The following APOL1 variants were observed in gnomAD, a reference collection of about 807,000 sequenced individuals.
APOL1 encodes apolipoprotein L 1.
A neutral mutation model predicts 14.9 loss-of-function variants in APOL1; 17 were observed. That is an observed-to-expected ratio of 1.14 (90% confidence interval 0.78 to 1.71). APOL1 has a LOEUF of 1.71. Among genes scored for constraint, APOL1 ranks in the 40% most tolerant of loss-of-function variants. The pLI is 0.00. For synonymous variants in APOL1, 195 were observed against 184.8 expected, an observed-to-expected ratio of 1.05 and a Z score of -0.45; for missense variants, 523 against 485.9, an observed-to-expected ratio of 1.08 and a Z score of -0.72.
chr22:36,266,730 C>T lies in APOL1; in HGVS notation c.*697C>T. The T allele has an allele frequency of 3.0e-6, 1 of 337,316 alleles. No individual in the cohort carries two copies. Among genetic ancestry groups the T allele is most frequent in the Admixed American group, 4.8e-5 (1 of 20,740 alleles). The allele number at this position is 337,316 out of a possible 1,614,324, so 20.9% of individuals were successfully genotyped here. A position where few individuals can be genotyped will look rare whatever the true frequency, so the allele number is the denominator to read the frequency against. ...ACCATCCTGGCTAACACAGTGAAAC[C>T]CCGTCTCTACTAAAAATACAAAAAA... On this transcript the variant is annotated 3_prime_UTR_variant, in exon 6 of 6. Transcript: ENST00000397278.
rs28391521 is a variant in APOL1 at position 36,265,015 on chromosome 22, A to G, written c.315-136A>G. 0.82 allele frequency: 938,656 copies of G among 1,138,988 alleles called. 388,049 individuals are homozygous for G. The highest frequency in any genetic ancestry group is 0.95 in the African/African-American group (60,583 of 63,534). The allele number at this position is 1,138,988 out of a possible 1,614,324, so 70.6% of individuals were successfully genotyped here. On this transcript the variant is annotated intron_variant, in intron 5 of 5. Transcript: ENST00000397278. ...TTTGGTAGAGACAGGGTTTCACCGT[A>G]TTAGTCAGGATGGTCTCAATCTCCT...
chr22:36,266,778 G>A lies in APOL1; in HGVS notation c.*745G>A, dbSNP rs150349831. The A allele has an allele frequency of 0.025, 8,096 of 319,206 alleles. 149 individuals are homozygous for A. The highest frequency in any genetic ancestry group is 0.031 in the Non-Finnish European group (5,445 of 174,876). The allele number at this position is 319,206 out of a possible 1,614,324, so 19.8% of individuals were successfully genotyped here. On this transcript the variant is annotated 3_prime_UTR_variant, in exon 6 of 6. Transcript: ENST00000397278. ...AAATTAGCCGGGCATGGTGGCGGGC[G>A]CCTGTAGTTCCAGCTAACTGGGCGG...
At position 36,266,189 on chromosome 22, in the gene APOL1, C is replaced by G; in HGVS notation, c.*156C>G. 3 of 816,176 alleles carry G rather than the reference C, an allele frequency of 3.7e-6. No individual in the cohort carries two copies. In the South Asian group the frequency reaches 6.3e-5, roughly 17 times the overall value. 50.6% of individuals were successfully genotyped at this position (816,176 alleles called of 1,614,324 possible). The stretch of plus-strand genomic sequence containing the variant: ...CACTGCAAGCTCTGCCTCCCGTGTT[C>G]AAGCGATTCTCCTGCCTTGGCCTCC... On this transcript the variant is annotated 3_prime_UTR_variant, in exon 6 of 6. Coordinates refer to ENST00000397278, the MANE Select transcript of APOL1 (RefSeq NM_003661.4).
chr22:36,266,643 T>A lies in APOL1; in HGVS notation c.*610T>A. The stretch of plus-strand genomic sequence containing the variant: ...TTGGGGGGCCGGGTGTAGTGGCTCA[T>A]GCCTGTAATCCGAGCACTTTGGGAG... On this transcript the variant is annotated 3_prime_UTR_variant, in exon 6 of 6. Transcript: ENST00000397278. 2.5e-6 allele frequency: 1 copy of A among 394,386 alleles called. No individual in the cohort carries two copies. Among genetic ancestry groups the A allele is most frequent in the Non-Finnish European group, 4.5e-6 (1 of 223,494 alleles). The allele number at this position is 394,386 out of a possible 1,614,324, so 24.4% of individuals were successfully genotyped here. A position where few individuals can be genotyped will look rare whatever the true frequency, so the allele number is the denominator to read the frequency against.
chr22:36,257,332 G>T lies in APOL1; in HGVS notation c.112G>T (p.Val38Phe), dbSNP rs200488315. ...EEAGARVQQNVPSGTDTGDPQ... is the reference protein window; with the variant it reads ...EEAGARVQQNFPSGTDTGDPQ... ...CTCCTCCTCAAGGGTGCAACAAAAC[G>T]TTCCAAGTGGGACAGATACTGGAGA... The change falls in exon 4 of 6, where the codon GTT (valine) becomes TTT (phenylalanine). Residue 38 changes from valine (V) to phenylalanine (F), a missense_variant. Transcript: ENST00000397278. The T allele has an allele frequency of 6.2e-7, 1 of 1,614,164 alleles. No individual in the cohort carries two copies. The highest frequency in any genetic ancestry group is 1.1e-5 in the South Asian group (1 of 91,080).
rs373383439 is a variant in APOL1 at position 36,265,426 on chromosome 22, C to T, written c.590C>T (p.Ala197Val). The change falls in exon 6 of 6, where the codon GCA becomes GTA. Residue 197 changes from alanine to valine, a missense_variant. Coordinates refer to ENST00000397278, the MANE Select transcript of APOL1 (RefSeq NM_003661.4). ...CTGACCCTCGTCGGCATGGGTCTGG[C>T]ACCCTTCACAGAGGGAGGCAGCCTT... is the stretch of plus-strand genomic sequence containing the variant. ...GILTLVGMGL[A>V]PFTEGGSLVL... 3 of 1,614,040 alleles carry T rather than the reference C, an allele frequency of 1.9e-6. No individual in the cohort carries two copies. In the African/African-American group the frequency reaches 4.0e-5, roughly 22 times the overall value.
intron 1 of APOL1, 51 bp from the exon 2 acceptor site, chr22:36,254,886 G>A (rs754988608): frequency 1.2e-6 from 2 of 1,608,532 alleles, no homozygotes; most frequent in Non-Finnish European, 8.5e-7. Flanking sequence ...AATGAAAATG[G>A]TGATTTCTCA....
At chr22:36,263,074 A>G (rs975357759) in intron 5 of APOL1, among the ~76,000 whole-genome samples, 1 of 152,218 alleles carries the variant, frequency 6.6e-6, no homozygotes, top group Admixed American at 6.5e-5. Flanking sequence ...CTTGGTGTGC[A>G]CACAGGTGAA....
At position 36,265,156 on chromosome 22, in the gene APOL1, A is replaced by G. The variant is rs780653482; in HGVS notation, c.320A>G (p.Glu107Gly). 1.2e-5 allele frequency: 19 copies of G among 1,614,042 alleles called. No homozygotes were observed. Among genetic ancestry groups the G allele is most frequent in the Admixed American group, 1.7e-5 (1 of 59,970 alleles). Residue 107 changes from glutamate (E) to glycine (G), a missense_variant, in exon 6 of 6, where the codon GAG (glutamate) becomes GGG (glycine). By Grantham distance (98) the Glu-to-Gly change is moderately conservative. Transcript: ENST00000397278. Reference sequence around the variant, plus strand: ...TTTAACCTTTCCTTGTGCAGGAATGAGGCAGATGAGCTCCGTAAAGCTCTG... The same window carrying G: ...TTTAACCTTTCCTTGTGCAGGAATGGGGCAGATGAGCTCCGTAAAGCTCTG... ...FVAAAELPRN[E>G]ADELRKALDN...
intron 4 of APOL1, 71 bp from the exon 5 acceptor site, chr22:36,261,525 A>C (rs2016070462): frequency 1.4e-6 from 2 of 1,480,896 alleles, no homozygotes; most frequent in Non-Finnish European, 1.9e-6. Flanking sequence ...ACATGTAGTC[A>C]TCTCTTATGC....
rs1340522626 is a variant in APOL1, at chr22:36,266,067, C to T, written c.*34C>T. 4.5e-6 allele frequency: 7 copies of T among 1,548,332 alleles called. No homozygotes were observed. The highest frequency in any genetic ancestry group is 6.1e-6 in the Non-Finnish European group (7 of 1,151,674). On this transcript the variant is annotated 3_prime_UTR_variant, in exon 6 of 6. Coordinates refer to ENST00000397278, the MANE Select transcript of APOL1 (RefSeq NM_003661.4). The stretch of plus-strand genomic sequence containing the variant: ...CAGGGCAGCCACCAGGAGAGATATG[C>T]CTGGCAGGGGCCAGGACAAAATGCA...
chr22:36,256,429 A>G (rs1322285135), intron 2 of APOL1, among the ~76,000 whole-genome samples: 2 of 152,212 alleles, frequency 1.3e-5, no homozygotes, highest in Admixed American at 6.5e-5. Context: ...AGCATAATTT[A>G]TATGAGGAAT....
intron 1 of APOL1, among the ~76,000 whole-genome samples, chr22:36,254,435 T>C (rs13057901): frequency 0.13 from 20,481 of 152,132 alleles, 1,456 homozygotes; most frequent in African/African-American, 0.16. Flanking sequence ...AGCATGGTAG[T>C]GTGTACCTGT....
intron 4 of APOL1, 47 bp downstream of exon 4, chr22:36,257,454 T>C (rs772389615): frequency 1.9e-6 from 3 of 1,561,984 alleles, no homozygotes; most frequent in Non-Finnish European, 2.6e-6. Context: ...GCACTTAGAA[T>C]GGAGGGTGGC....
chr22:36,254,235 AG>A (rs1037314804), intron 1 of APOL1, among the ~76,000 whole-genome samples: 5 of 152,004 alleles, frequency 3.3e-5, no homozygotes, highest in African/African-American at 4.8e-5. Context: ...CCATGAAATC[AG>A]GGGGGTAATT....
chr22:36,257,933 G>A (rs767656247), intron 4 of APOL1, among the ~76,000 whole-genome samples: 20 of 152,136 alleles, frequency 1.3e-4, no homozygotes, highest in Non-Finnish European at 2.4e-4. Flanking sequence ...ACTGGACCCC[G>A]GTCTGTCCTT....
chr22:36,258,184 C>G (rs2015956416), intron 4 of APOL1, among the ~76,000 whole-genome samples: 1 of 152,200 alleles, frequency 6.6e-6, no homozygotes, highest in Admixed American at 6.5e-5. Flanking sequence ...CCGCCCTGCC[C>G]TGCCCATCAC....
Position 36,265,833 on chromosome 22 carries a change from G to A in APOL1, c.997G>A (p.Val333Ile). 6.2e-7 allele frequency: 1 copy of A among 1,614,194 alleles called. No individual in the cohort carries two copies. Among genetic ancestry groups the A allele is most frequent in the Non-Finnish European group, 8.5e-7 (1 of 1,180,046 alleles). The change falls in exon 6 of 6, where the codon GTC becomes ATC. Residue 333 changes from valine (V) to isoleucine (I), a missense_variant. By Grantham distance (29) the Val-to-Ile change is conservative. Transcript: ENST00000397278. ...CAGCATCCTGGAAATGAGCAGAGGA[G>A]TCAAGCTCACGGATGTGGCCCCTGT... ...EPSILEMSRG[V>I]KLTDVAPVSF...
In APOL1 at chr22:36,266,727, A is replaced by G. The variant is rs2016279038; in HGVS notation, c.*694A>G. ...GAGACCATCCTGGCTAACACAGTGA[A>G]ACCCCGTCTCTACTAAAAATACAAA... On this transcript the variant is annotated 3_prime_UTR_variant, in exon 6 of 6. Transcript: ENST00000397278. The G allele has an allele frequency of 1.5e-5, 5 of 338,666 alleles. No homozygotes were observed. Among genetic ancestry groups the G allele is most frequent in the Non-Finnish European group, 2.7e-5 (5 of 186,870 alleles). 21.0% of individuals were successfully genotyped at this position (338,666 alleles called of 1,614,324 possible).
Sources: allele counts gnomAD v4.1 joint callset (sites outside exome capture counted in the v4.1 genomes callset), GRCh38; gene constraint gnomAD v4.1.1; transcripts MANE v1.5; gene names NCBI Gene and HGNC (gene_info 2026-07-23, HGNC 2026-07-21).